Variants in TMEM204 observed in about 807,000 individuals in gnomAD.
The protein encoded by TMEM204 is transmembrane protein 204, also known as claudin-like protein 24.
In TMEM204, 15 loss-of-function variants were observed where a neutral mutation model predicts 19.4. The observed-to-expected ratio is 0.77, with a 90% CI of 0.52 to 1.19. The LOEUF (loss-of-function observed/expected upper bound fraction) is 1.19, where lower values mean the gene tolerates loss of function less well. Among genes scored for constraint, TMEM204 ranks in the 50% most tolerant of loss-of-function variants. The probability of loss-of-function intolerance (pLI) is 0.00; values close to 1 mark genes in which losing one functional copy is unlikely to be tolerated. For missense variants in TMEM204, 287 were observed against 321.2 expected (o/e 0.89, Z 0.81); for synonymous variants, 161 against 146.0 (o/e 1.10, Z -0.74).
chr16:1,541,650 G>C, intron 1 of TMEM204: 1 of 346,988 alleles, frequency 2.9e-6, no homozygotes, highest in African/African-American at 2.2e-5. Flanking sequence ...AGAAATAGCA[G>C]AGTAGGGCCC....
chr16:1,539,245 C>T (rs1261753502), intron 1 of TMEM204, among the ~76,000 whole-genome samples: 1 of 149,698 alleles, frequency 6.7e-6, no homozygotes, highest in African/African-American at 2.5e-5. Flanking sequence ...CTCACCAAGC[C>T]ACACGGTGCC....
rs1008601044 is a variant in TMEM204, at chr16:1,553,788, C to T, written c.437-994C>T. 2.3e-5 allele frequency: 27 copies of T among 1,195,874 alleles called. No individual in the cohort carries two copies. Among genetic ancestry groups the T allele is most frequent in the South Asian group, 4.7e-5 (3 of 64,480 alleles). The allele number at this position is 1,195,874 out of a possible 1,614,324, so 74.1% of individuals were successfully genotyped here. A position where few individuals can be genotyped will look rare whatever the true frequency, so the allele number is the denominator to read the frequency against. ...GCCATGTGGACAGCCTCTCCTCCAT[C>T]CTAGAGCCTATGTTTCCAGCTGGAT... On this transcript the variant is annotated intron_variant, in intron 2 of 2. Coordinates refer to ENST00000566264, the MANE Select transcript of TMEM204 (RefSeq NM_024600.6). The surrounding 1 kb of genome is among the most constrained non-coding windows in gnomAD (Gnocchi z 4.4).
Position 1,553,828 on chromosome 16 carries a change from C to T in TMEM204, c.437-954C>T. On this transcript the variant is annotated intron_variant, in intron 2 of 2. Coordinates refer to ENST00000566264, the MANE Select transcript of TMEM204 (RefSeq NM_024600.6). This position sits in a 1 kb window ranked among gnomAD's most constrained non-coding sequence, Gnocchi z 4.4. ...TCCAGCTGGATTAGGACGCCCGGCT[C>T]CATCGCTGCGGCCACAGTGTCCTGT... The T allele has an allele frequency of 8.3e-7, 1 of 1,209,244 alleles. No individual in the cohort carries two copies. The highest frequency in any genetic ancestry group is 1.1e-6 in the Non-Finnish European group (1 of 950,690). 74.9% of individuals were successfully genotyped at this position (1,209,244 alleles called of 1,614,324 possible). A position where few individuals can be genotyped will look rare whatever the true frequency, so the allele number is the denominator to read the frequency against.
chr16:1,547,538 G>A (rs2032275813), intron 2 of TMEM204, among the ~76,000 whole-genome samples: 1 of 152,058 alleles, frequency 6.6e-6, no homozygotes, highest in South Asian at 2.1e-4. Flanking sequence ...TGCTTGGTCT[G>A]GATTATTTAT....
chr16:1,542,574 G>A (rs377734851), intron 2 of TMEM204, among the ~76,000 whole-genome samples: 28 of 152,346 alleles, frequency 1.8e-4, no homozygotes, highest in East Asian at 1.2e-3. Context: ...TGTTATAAAC[G>A]CAGCTTCCTA....
intron 1 of TMEM204, among the ~76,000 whole-genome samples, chr16:1,538,711 G>T (rs1032485248): frequency 4.6e-5 from 7 of 152,310 alleles, no homozygotes; most frequent in African/African-American, 1.4e-4. Flanking sequence ...ACAGCACCGT[G>T]CCACAGATCC....
At position 1,554,191 on chromosome 16, in the gene TMEM204, G is replaced by A. The variant is rs1423101242; in HGVS notation, c.437-591G>A. 3.4e-6 allele frequency: 4 copies of A among 1,193,316 alleles called. No individual in the cohort carries two copies. The African/African-American group carries it at 6.3e-5, about 19-fold the overall frequency. The allele number at this position is 1,193,316 out of a possible 1,614,324, so 73.9% of individuals were successfully genotyped here. A position where few individuals can be genotyped will look rare whatever the true frequency, so the allele number is the denominator to read the frequency against. On this transcript the variant is annotated intron_variant, in intron 2 of 2. Coordinates refer to ENST00000566264, the MANE Select transcript of TMEM204 (RefSeq NM_024600.6). ...CTGGCCCCATCTCCGCCCTGCCTGAGCTGCAGACTCCAGGCCATCTGGAGT... is the reference window on the plus strand; with the variant it reads ...CTGGCCCCATCTCCGCCCTGCCTGAACTGCAGACTCCAGGCCATCTGGAGT...
rs200816535 is a variant in TMEM204 at position 1,534,265 on chromosome 16, C to T, written c.-11C>T. On this transcript the variant is annotated 5_prime_UTR_variant, in exon 1 of 3. Transcript: ENST00000566264. The stretch of plus-strand genomic sequence containing the variant: ...GCTTTCTCCGGATAAGCGGCGGCAC[C>T]GGCGTCAGCGATGACCGTGCAGAGA... 87 of 1,608,934 alleles carry T rather than the reference C, an allele frequency of 5.4e-5. No individual in the cohort carries two copies. The highest frequency in any genetic ancestry group is 1.7e-4 in the Middle Eastern group (1 of 6,044).
intron 1 of TMEM204, among the ~76,000 whole-genome samples, chr16:1,536,664 G>A (rs1478393158): frequency 6.6e-6 from 1 of 152,168 alleles, no homozygotes; most frequent in Admixed American, 6.5e-5. Context: ...AGGCTGGAGT[G>A]CAGCCACCAC....
At chr16:1,544,135 A>G (rs1224726845) in intron 2 of TMEM204, among the ~76,000 whole-genome samples, 2 of 149,788 alleles carry the variant, frequency 1.3e-5, no homozygotes, top group Admixed American at 6.7e-5. Flanking sequence ...CTCCTGCCTC[A>G]GCCTCCCGTG....
intron 2 of TMEM204, 108 bp downstream of exon 2, chr16:1,542,184 T>C: frequency 1.6e-6 from 2 of 1,265,166 alleles, no homozygotes; most frequent in South Asian, 1.6e-5. Flanking sequence ...CTGCAGGCCA[T>C]ACCTCTCAAC....
upstream of TMEM204, chr16:1,532,319 C>T (rs139030010): frequency 7.0e-3 from 1,063 of 152,456 alleles, 7 homozygotes; most frequent in Non-Finnish European, 0.01. Context: ...GACAAATCCC[C>T]GGGGAAAATC....
intron 1 of TMEM204, chr16:1,541,044 C>A: frequency 8.1e-6 from 8 of 985,414 alleles, no homozygotes; most frequent in Non-Finnish European, 9.6e-6. Flanking sequence ...AGAAACGTGA[C>A]GAGCCCTGGT....
intron 2 of TMEM204, chr16:1,554,059 G>C (rs2141416201): frequency 1.1e-5 from 14 of 1,287,204 alleles, no homozygotes; most frequent in Non-Finnish European, 1.4e-5. Flanking sequence ...AGAGGGGAAA[G>C]CATGGAAGGA....
In TMEM204 at chr16:1,555,236, C is replaced by A. The variant is rs953679164; in HGVS notation, c.*210C>A. ...GTGTCGTGGGCCAACCTCGTTCTGC[C>A]TCCAGCTTTCCTGGTTAGCGCAACG... On this transcript the variant is annotated 3_prime_UTR_variant, in exon 3 of 3. Coordinates refer to ENST00000566264, the MANE Select transcript of TMEM204 (RefSeq NM_024600.6). The A allele has an allele frequency of 2.8e-5, 17 of 615,560 alleles. No individual in the cohort carries two copies. Among genetic ancestry groups the A allele is most frequent in the Admixed American group, 9.6e-5 (3 of 31,388 alleles). The allele number at this position is 615,560 out of a possible 1,614,324, so 38.1% of individuals were successfully genotyped here.
chr16:1,529,721 G>A (rs1211440514), upstream of TMEM204, among the ~76,000 whole-genome samples: 1 of 152,176 alleles, frequency 6.6e-6, no homozygotes, highest in East Asian at 1.9e-4. Flanking sequence ...TTATGCTGAG[G>A]TCCTGGGTAA....
At chr16:1,549,101 G>T (rs1267071539) in intron 2 of TMEM204, among the ~76,000 whole-genome samples, 1 of 152,232 alleles carries the variant, frequency 6.6e-6, no homozygotes. Context: ...GGCCGCGCAG[G>T]TTCATGAGGT....
Position 1,555,011 on chromosome 16 carries a change from G to T in TMEM204, c.666G>T (p.Val222=), listed in dbSNP as rs1351176995. The change falls in exon 3 of 3, where the codon GTG becomes GTT. Residue 222 remains valine, a synonymous_variant. Transcript: ENST00000566264. ...RFRRGLDNDY[V]ESPC The stretch of plus-strand genomic sequence containing the variant: ...GCCGTGGGCTGGACAATGACTACGT[G>T]GAGTCACCATGCTGAGTCGCCCTTC... The T allele has an allele frequency of 1.2e-6, 2 of 1,611,536 alleles. No individual in the cohort carries two copies. Among genetic ancestry groups the T allele is most frequent in the Non-Finnish European group, 8.5e-7 (1 of 1,179,236 alleles).
intron 2 of TMEM204, among the ~76,000 whole-genome samples, chr16:1,554,575 C>A (rs1342593186): frequency 3.3e-5 from 5 of 152,192 alleles, no homozygotes; most frequent in Non-Finnish European, 5.9e-5. Flanking sequence ...CAAGGTGGCT[C>A]AACACCAGGG....
Sources: gnomAD v4.1 joint callset for allele counts (sites outside exome capture counted in the v4.1 genomes callset) on GRCh38, gnomAD v4.1.1 for gene constraint, Gnocchi (gnomAD v3.1) non-coding constraint, MANE v1.5 for transcripts, NCBI Gene and HGNC (gene_info 2026-07-23, HGNC 2026-07-21) for gene names.